CNR2: variants seen among roughly 807,000 people sequenced by gnomAD.
CNR2 encodes the protein cannabinoid receptor 2 (macrophage).
For missense variants in CNR2, 379 were observed against 439.9 expected (o/e 0.86, Z 1.24); for synonymous variants, 172 against 182.2 (o/e 0.94, Z 0.45).
intron 1 of CNR2, among the ~76,000 whole-genome samples, chr1:23,895,762 C>T (rs967596179): frequency 2.6e-5 from 4 of 152,124 alleles, no homozygotes; most frequent in African/African-American, 9.7e-5. Context: ...CTCGGCCTCC[C>T]AAAGTGCTGG....
chr1:23,908,707 A>T (rs1640538552), intron 1 of CNR2, among the ~76,000 whole-genome samples: 1 of 151,888 alleles, frequency 6.6e-6, no homozygotes, highest in Non-Finnish European at 1.5e-5. Context: ...AAGGTCAGTG[A>T]AGCACCCTCT....
At chr1:23,879,778 A>G (rs1273145572) in intron 1 of CNR2, among the ~76,000 whole-genome samples, 1 of 152,048 alleles carries the variant, frequency 6.6e-6, no homozygotes, top group East Asian at 1.9e-4. Context: ...GTTTATTGCA[A>G]TAGCTTCCTA....
At chr1:23,875,983 G>C (rs193075506) in intron 1 of CNR2, among the ~76,000 whole-genome samples, 4 of 152,128 alleles carry the variant, frequency 2.6e-5, no homozygotes, top group Non-Finnish European at 4.4e-5. Flanking sequence ...AAAACCAAGA[G>C]GAAATCAAAA....
chr1:23,891,616 T>A (rs1276577470), intron 1 of CNR2, among the ~76,000 whole-genome samples: 1 of 10,342 alleles, frequency 9.7e-5, no homozygotes, highest in Non-Finnish European at 1.9e-4. Context: ...CAAAACTCCA[T>A]CTCAAAAAAA....
Position 23,905,038 on chromosome 1 carries a change from G to C in CNR2, c.-46+8208C>G, listed in dbSNP as rs200885283. On this transcript the variant is annotated intron_variant, in intron 1 of 1. Transcript: ENST00000374472. ...TCAGGCTGGTTCCCAGAACAGGGGAGTTTGTGAAGCGATGTGGAGAGCCAT... is the reference window on the plus strand; with the variant it reads ...TCAGGCTGGTTCCCAGAACAGGGGACTTTGTGAAGCGATGTGGAGAGCCAT... Among the ~76,000 whole-genome samples the C allele has an allele frequency of 2.0e-5, 3 of 152,306 alleles. No individual in the cohort carries two copies. The East Asian group carries it at 5.8e-4, about 29-fold the overall frequency.
chr1:23,898,716 G>A (rs1341520202), intron 1 of CNR2, among the ~76,000 whole-genome samples: 1 of 120,550 alleles, frequency 8.3e-6, no homozygotes, highest in African/African-American at 3.2e-5. Flanking sequence ...GCAGTGGCAC[G>A]ATCTTGGCTC....
chr1:23,906,925 C>T (rs551743757), intron 1 of CNR2, among the ~76,000 whole-genome samples: 236 of 151,736 alleles, frequency 1.6e-3, no homozygotes, highest in Non-Finnish European at 1.4e-3. Flanking sequence ...TGTCTCAGGC[C>T]CCTATTTGCA....
rs1427907785 is a variant in CNR2 at position 23,875,400 on chromosome 1, A to G, written c.218T>C (p.Ile73Thr). Residue 73 changes from isoleucine (I) to threonine (T), a missense_variant, in exon 2 of 2, where the codon ATT becomes ACT. Ile to Thr is a moderately conservative substitution (Grantham distance 89). Transcript: ENST00000374472. ...QLRRKPSYLFIGSLAGADFLA... is the reference protein window; with the variant it reads ...QLRRKPSYLFTGSLAGADFLA... ...GAAGTCAGCCCCAGCCAAGCTGCCA[A>G]TGAACAGGTATGAGGGCTTCCGGCG... 5.0e-6 allele frequency: 8 copies of G among 1,614,128 alleles called. No individual in the cohort carries two copies. The highest frequency in any genetic ancestry group is 1.3e-5 in the African/African-American group (1 of 74,952).
chr1:23,885,746 C>T (rs1197900964), intron 1 of CNR2, among the ~76,000 whole-genome samples: 3 of 152,004 alleles, frequency 2.0e-5, no homozygotes, highest in African/African-American at 4.8e-5. Context: ...GGCGTGGTGG[C>T]GTGCGCCTGT....
chr1:23,900,753 G>T (rs1173555456), intron 1 of CNR2, among the ~76,000 whole-genome samples: 2 of 152,018 alleles, frequency 1.3e-5, no homozygotes, highest in Non-Finnish European at 2.9e-5. Context: ...TGAACCGCCC[G>T]CCTTGGCCTC....
chr1:23,904,113 C>G (rs930120596), intron 1 of CNR2, among the ~76,000 whole-genome samples: 1 of 151,980 alleles, frequency 6.6e-6, no homozygotes, highest in Non-Finnish European at 1.5e-5. Context: ...CTTTGCCCCA[C>G]TAGGGAGCTC....
In CNR2 at chr1:23,873,711, C is replaced by G. The variant is rs1384256552; in HGVS notation, c.*824G>C. The stretch of plus-strand genomic sequence containing the variant: ...GCTGAATTGGGGGCAGATAGGGGAA[C>G]AGTTTGGAGATTTATACAATCTTTG... On this transcript the variant is annotated 3_prime_UTR_variant, in exon 2 of 2. Coordinates refer to ENST00000374472, the MANE Select transcript of CNR2 (RefSeq NM_001841.3). 1.3e-5 allele frequency: 2 copies of G among 152,112 alleles called. No individual in the cohort carries two copies. Among genetic ancestry groups the G allele is most frequent in the Non-Finnish European group, 2.9e-5 (2 of 68,050 alleles). The allele number at this position is 152,112 out of a possible 1,614,324, so 9.4% of individuals were successfully genotyped here. A position where few individuals can be genotyped will look rare whatever the true frequency, so the allele number is the denominator to read the frequency against.
intron 1 of CNR2, among the ~76,000 whole-genome samples, chr1:23,907,400 C>A (rs1262412127): frequency 2.3e-5 from 2 of 86,944 alleles, no homozygotes; most frequent in Non-Finnish European, 5.0e-5. Context: ...CAGAGGGAGA[C>A]CTTGTCTCAA....
At chr1:23,879,564 G>A (rs1208913330) in intron 1 of CNR2, among the ~76,000 whole-genome samples, 3 of 152,178 alleles carry the variant, frequency 2.0e-5, no homozygotes, top group Non-Finnish European at 2.9e-5. Context: ...AGTGATCTAT[G>A]ATTGTGCCAC....
At chr1:23,895,077 C>G (rs1222426388) in intron 1 of CNR2, among the ~76,000 whole-genome samples, 1 of 152,032 alleles carries the variant, frequency 6.6e-6, no homozygotes, top group African/African-American at 2.4e-5. Flanking sequence ...AAAAAATTAA[C>G]CAGGCATGGT....
chr1:23,880,148 C>A (rs1639954012), intron 1 of CNR2, among the ~76,000 whole-genome samples: 1 of 149,954 alleles, frequency 6.7e-6, no homozygotes, highest in South Asian at 2.1e-4. Context: ...ACCCTGACTA[C>A]CCCATGTAAT....
rs527975902 is a variant in CNR2 at position 23,872,464 on chromosome 1, G to T, written c.*2071C>A. 24 of 152,152 alleles carry T rather than the reference G, an allele frequency of 1.6e-4. No homozygotes were observed. Among genetic ancestry groups the T allele is most frequent in the African/African-American group, 5.5e-4 (23 of 41,522 alleles). 9.4% of individuals were successfully genotyped at this position (152,152 alleles called of 1,614,324 possible). ...GAATCTACGATGAGTTAACTTTGCA[G>T]CAATCTGATGCTACAGATAGCTAAT... is the stretch of plus-strand genomic sequence containing the variant. On this transcript the variant is annotated 3_prime_UTR_variant, in exon 2 of 2. Transcript: ENST00000374472.
intron 1 of CNR2, among the ~76,000 whole-genome samples, chr1:23,878,656 G>T (rs969638870): frequency 7.9e-5 from 12 of 152,162 alleles, no homozygotes; most frequent in African/African-American, 2.7e-4. Flanking sequence ...TGGGATTATA[G>T]GCGTGAGCCA....
At chr1:23,878,236 T>A (rs1262562746) in intron 1 of CNR2, among the ~76,000 whole-genome samples, 1 of 151,762 alleles carries the variant, frequency 6.6e-6, no homozygotes, top group East Asian at 2.0e-4. Context: ...TGGTGGTGCA[T>A]GCCTATTGTC....
Sources: gnomAD v4.1 joint callset for allele counts (sites outside exome capture counted in the v4.1 genomes callset) on GRCh38, gnomAD v4.1.1 for gene constraint, MANE v1.5 for transcripts, NCBI Gene and HGNC (gene_info 2026-07-23, HGNC 2026-07-21) for gene names.